The following EDDM13 variants were observed in gnomAD, a reference collection of about 807,000 sequenced individuals.
EDDM13 encodes epididymal protein 13.
A neutral mutation model predicts 17.8 loss-of-function variants in EDDM13; 24 were observed. The observed-to-expected ratio is 1.35, with a 90% CI of 0.98 to 1.90. EDDM13 has a LOEUF of 1.90. Among genes scored for constraint, EDDM13 ranks in the 40% most tolerant of loss-of-function variants. EDDM13 has a pLI of 0.00. For synonymous variants in EDDM13, 31 were observed against 37.5 expected (o/e 0.83, Z 0.63); for missense variants, 97 against 100.8 (o/e 0.96, Z 0.16).
chr19:56,289,567 T>G (rs1487753415), intron 8 of EDDM13, among the ~76,000 whole-genome samples: 2 of 152,156 alleles, frequency 1.3e-5, no homozygotes, highest in Admixed American at 1.3e-4. Context: ...GTATGGCACA[T>G]AGTTGGACCA....
At chr19:56,293,911 T>C (rs1394046544) in intron 9 of EDDM13, among the ~76,000 whole-genome samples, 1 of 152,118 alleles carries the variant, frequency 6.6e-6, no homozygotes, top group East Asian at 1.9e-4. Context: ...AACCCCCCGC[T>C]GAATAAAATG....
At chr19:56,302,658 CCTGTTCT>C (rs2040417940) in intron 13 of EDDM13, among the ~76,000 whole-genome samples, 3 of 120,768 alleles carry the variant, frequency 2.5e-5, no homozygotes, top group Admixed American at 8.3e-5. Flanking sequence ...TCCCCCCCTC[CCTGTTCT>C]TTCCTTCCTC....
chr19:56,272,865 T>C lies in EDDM13; in HGVS notation c.31T>C (p.Ser11Pro), dbSNP rs2037954179. MHRSEPFLKM[S>P]LLILLFLGLA... ...CAGATCAGAGCCATTTCTGAAAATG[T>C]CGCTGCTGATTCTGCTTTTCCTGGG... The change falls in exon 1 of 15, where the codon TCG becomes CCG. Residue 11 changes from serine (S) to proline (P), a missense_variant. Physicochemically the swap from Ser to Pro is moderately conservative, Grantham distance 74. Coordinates refer to ENST00000649256, the MANE Select transcript of EDDM13 (RefSeq NM_001354658.2). 2.0e-6 allele frequency: 2 copies of C among 985,278 alleles called. No homozygotes were observed. Among genetic ancestry groups the C allele is most frequent in the African/African-American group, 1.7e-5 (1 of 57,238 alleles). 61.0% of individuals were successfully genotyped at this position (985,278 alleles called of 1,614,324 possible). A position where few individuals can be genotyped will look rare whatever the true frequency, so the allele number is the denominator to read the frequency against.
intron 9 of EDDM13, among the ~76,000 whole-genome samples, chr19:56,291,173 A>C (rs925029576): frequency 6.6e-6 from 1 of 152,184 alleles, no homozygotes; most frequent in African/African-American, 2.4e-5. Flanking sequence ...TGAGTTGTAC[A>C]TATTTGTTGG....
chr19:56,285,025 G>C lies in EDDM13; in HGVS notation c.154+1G>C. On this transcript the variant is annotated splice_donor_variant, in intron 6 of 14. Coordinates refer to ENST00000649256, the MANE Select transcript of EDDM13 (RefSeq NM_001354658.2). LOFTEE classifies it high-confidence loss of function. ...CTCATGAGCAGACTGTCACCGGATG[G>C]TAAGTGTCAGGATTGTATCTTTTAA... is the stretch of plus-strand genomic sequence containing the variant. 2 of 985,274 alleles carry C rather than the reference G, an allele frequency of 2.0e-6. No homozygotes were observed. Among genetic ancestry groups the C allele is most frequent in the African/African-American group, 1.7e-5 (1 of 57,348 alleles). The allele number at this position is 985,274 out of a possible 1,614,324, so 61.0% of individuals were successfully genotyped here.
chr19:56,297,050 C>T (rs1483231904), intron 11 of EDDM13, among the ~76,000 whole-genome samples: 1 of 147,966 alleles, frequency 6.8e-6, no homozygotes, highest in Non-Finnish European at 1.5e-5. Context: ...GCCTGGGTGA[C>T]AAGAGCAAAA....
intron 1 of EDDM13, among the ~76,000 whole-genome samples, 141 bp from the exon 2 acceptor site, chr19:56,275,940 TTTATTGATAGC>T: frequency 6.6e-6 from 1 of 152,322 alleles, no homozygotes; most frequent in South Asian, 2.1e-4. Context: ...CCCGAGTAGC[TTTATTGATAGC>T]AGTGAGTGGG....
At chr19:56,276,773 G>T (rs1468658996) in intron 2 of EDDM13, among the ~76,000 whole-genome samples, 1 of 152,004 alleles carries the variant, frequency 6.6e-6, no homozygotes, top group Non-Finnish European at 1.5e-5. Context: ...CTGACCTCAG[G>T]TGATCCGCCC....
intron 1 of EDDM13, among the ~76,000 whole-genome samples, chr19:56,273,617 T>C (rs1600150042): frequency 6.6e-6 from 1 of 152,186 alleles, no homozygotes; most frequent in Non-Finnish European, 1.5e-5. Flanking sequence ...AGGCAGAGAC[T>C]TGAATATGCA....
chr19:56,289,226 T>G (rs909409784), intron 8 of EDDM13, among the ~76,000 whole-genome samples: 1 of 152,222 alleles, frequency 6.6e-6, no homozygotes, highest in African/African-American at 2.4e-5. Context: ...TCCTAAATTT[T>G]AGTAATTGTC....
At chr19:56,306,888 C>T (rs1429681094) in intron 14 of EDDM13, among the ~76,000 whole-genome samples, 2 of 61,910 alleles carry the variant, frequency 3.2e-5, no homozygotes, top group South Asian at 7.9e-4. Flanking sequence ...TCTCCCACGT[C>T]GCCAGAGAAA....
At chr19:56,305,115 C>T (rs1400927904) in intron 14 of EDDM13, among the ~76,000 whole-genome samples, 2 of 152,158 alleles carry the variant, frequency 1.3e-5, no homozygotes, top group East Asian at 3.8e-4. Flanking sequence ...GGACTTGTGG[C>T]CCAACACACA....
chr19:56,302,585 T>TTTCTTCCTCCCCCTC (rs2040385840), intron 13 of EDDM13, among the ~76,000 whole-genome samples: 2 of 43,774 alleles, frequency 4.6e-5, no homozygotes, highest in Non-Finnish European at 7.4e-5. Context: ...TCCTCCCCCT[T>TTTCTTCCTCCCCCTC]TTCTTCCTCT....
intron 5 of EDDM13, among the ~76,000 whole-genome samples, 196 bp downstream of exon 5, chr19:56,284,402 T>C (rs777506928): frequency 6.6e-6 from 1 of 152,044 alleles, no homozygotes; most frequent in Non-Finnish European, 1.5e-5. Flanking sequence ...GCTTGGGTGA[T>C]GGGAGCCCAG....
chr19:56,273,270 G>C (rs2037989612), intron 1 of EDDM13, among the ~76,000 whole-genome samples: 1 of 152,198 alleles, frequency 6.6e-6, no homozygotes, highest in African/African-American at 2.4e-5. Flanking sequence ...ACGTTGTGCA[G>C]TGCCTGGAAG....
At chr19:56,284,256 G>A (rs964061133) in intron 5 of EDDM13, 50 bp downstream of exon 5, 7 of 867,084 alleles carry the variant, frequency 8.1e-6, no homozygotes, top group Non-Finnish European at 8.3e-6. Context: ...ACTTTGGCGG[G>A]AAATTTTGGG....
intron 5 of EDDM13, among the ~76,000 whole-genome samples, chr19:56,284,661 C>T (rs185340975): frequency 8.2e-4 from 125 of 151,832 alleles, no homozygotes; most frequent in Middle Eastern, 6.8e-3. Context: ...ATTACAGGCA[C>T]CCACCACCAT....
chr19:56,284,212 T>C lies in EDDM13; in HGVS notation c.127+6T>C, dbSNP rs1426991196. 1.0e-6 allele frequency: 1 copy of C among 984,810 alleles called. No individual in the cohort carries two copies. The highest frequency in any genetic ancestry group is 1.7e-5 in the African/African-American group (1 of 57,238). The allele number at this position is 984,810 out of a possible 1,614,324, so 61.0% of individuals were successfully genotyped here. On this transcript the variant is annotated splice_donor_region_variant and intron_variant, in intron 5 of 14. Coordinates refer to ENST00000649256, the MANE Select transcript of EDDM13 (RefSeq NM_001354658.2). ...GCTGCCATCAGGGATCATAGGTAAG[T>C]ACCTTGCCACTTCACAATGCCCCCA...
intron 12 of EDDM13, 98 bp downstream of exon 12, chr19:56,297,629 C>CA: frequency 4.2e-6 from 3 of 707,572 alleles, no homozygotes; most frequent in African/African-American, 2.1e-5. Context: ...TTCAGGTAAT[C>CA]AAGGCCCTGC....
Sources: allele counts gnomAD v4.1 joint callset (sites outside exome capture counted in the v4.1 genomes callset), GRCh38; gene constraint gnomAD v4.1.1; transcripts MANE v1.5; gene names NCBI Gene and HGNC (gene_info 2026-07-23, HGNC 2026-07-21).